The following GPC3 variants were observed in gnomAD, a reference collection of about 807,000 sequenced individuals.
The protein encoded by GPC3 is glypican-3.
A neutral mutation model predicts 34.4 loss-of-function variants in GPC3; 3 were observed. That is an observed-to-expected ratio of 0.09 (90% CI 0.04 to 0.23). GPC3 has a LOEUF of 0.23. GPC3 is among the 10% of genes least tolerant of loss of function. The pLI is 1.00. For missense variants in GPC3, 351 were observed against 445.6 expected (o/e 0.79, Z 1.91); for synonymous variants, 177 against 174.0 (o/e 1.02, Z -0.13).
At chrX:133,977,097 G>A (rs1481635547) in intron 1 of GPC3, among the ~76,000 whole-genome samples, 1 of 111,116 alleles carries the variant, frequency 9.0e-6, no homozygotes, top group African/African-American at 3.3e-5. Context: ...ATAGTTATAT[G>A]CCACCCCAGG....
intron 4 of GPC3, among the ~76,000 whole-genome samples, chrX:133,695,030 T>C (rs924757444): frequency 9.0e-6 from 1 of 111,592 alleles, no homozygotes; most frequent in Non-Finnish European, 1.9e-5. Context: ...AATACCCGAC[T>C]GGGTAATTTA....
chrX:133,650,456 C>CA (rs1491287312), intron 6 of GPC3, among the ~76,000 whole-genome samples: 106 of 87,399 alleles, frequency 1.2e-3, no homozygotes, highest in African/African-American at 4.1e-3. Context: ...CACACACCCA[C>CA]CCACACACAC....
chrX:133,647,939 T>G (rs754343336), intron 6 of GPC3, among the ~76,000 whole-genome samples: 3 of 112,241 alleles, frequency 2.7e-5, no homozygotes, highest in Non-Finnish European at 5.6e-5. Context: ...GAACTTCTAC[T>G]AAAGGTTCAA....
At chrX:133,972,814 G>A (rs184274146) in intron 1 of GPC3, among the ~76,000 whole-genome samples, 15 of 111,649 alleles carry the variant, frequency 1.3e-4, no homozygotes, top group Non-Finnish European at 2.6e-4. Context: ...AATATAGAAC[G>A]TTAAGGAGAG....
At chrX:133,616,235 A>G (rs1222110478) in intron 6 of GPC3, among the ~76,000 whole-genome samples, 7 of 112,348 alleles carry the variant, frequency 6.2e-5, no homozygotes, top group African/African-American at 2.3e-4. Flanking sequence ...TAGACTAACA[A>G]TGAACACTCT....
intron 6 of GPC3, among the ~76,000 whole-genome samples, chrX:133,656,745 T>A (rs2124396375): frequency 9.1e-6 from 1 of 110,431 alleles, no homozygotes; most frequent in Admixed American, 9.7e-5. Context: ...ACAGAAGAAT[T>A]GGGTGGGGGG....
intron 1 of GPC3, among the ~76,000 whole-genome samples, chrX:133,969,230 C>T (rs1288309145): frequency 9.0e-6 from 1 of 111,056 alleles, no homozygotes; most frequent in Non-Finnish European, 1.9e-5. Flanking sequence ...AAGAGAGCAA[C>T]CTGCATGCCT....
chrX:133,852,274 G>T (rs2075877294), intron 2 of GPC3, among the ~76,000 whole-genome samples: 1 of 111,672 alleles, frequency 9.0e-6, no homozygotes, highest in Non-Finnish European at 1.9e-5. Flanking sequence ...CCTTTGAGGG[G>T]TAGAGGGGTG....
intron 7 of GPC3, among the ~76,000 whole-genome samples, chrX:133,574,722 C>T (rs1176584205): frequency 8.9e-6 from 1 of 112,239 alleles, no homozygotes; most frequent in Non-Finnish European, 1.9e-5. Context: ...TATATTTTTA[C>T]AAAAGTTCCA....
chrX:133,686,988 C>A (rs890165789), intron 5 of GPC3, among the ~76,000 whole-genome samples: 1 of 107,213 alleles, frequency 9.3e-6, no homozygotes, highest in Non-Finnish European at 1.9e-5. Context: ...TGCAGTGGTG[C>A]GATCTCGGCT....
At position 133,535,892 on chromosome X, in the gene GPC3, T is replaced by C; in HGVS notation, c.*232A>G. The C allele has an allele frequency of 2.7e-6, 1 of 373,024 alleles. No homozygotes were observed. Among genetic ancestry groups the C allele is most frequent in the South Asian group, 5.6e-5 (1 of 17,876 alleles). The allele number at this position is 373,024 out of a possible 1,213,427, so 30.7% of individuals were successfully genotyped here. On this transcript the variant is annotated 3_prime_UTR_variant, in exon 8 of 8. Coordinates refer to ENST00000370818, the MANE Select transcript of GPC3 (RefSeq NM_004484.4). Reference sequence around the variant, plus strand: ...ATTTGGCACAACTTGATGGTTTTTTTTCTTTCTTTGCAAAAGGACAATCTA... The same window carrying C: ...ATTTGGCACAACTTGATGGTTTTTTCTCTTTCTTTGCAAAAGGACAATCTA...
At chrX:133,676,109 A>T (rs1278361384) in intron 5 of GPC3, among the ~76,000 whole-genome samples, 1 of 112,271 alleles carries the variant, frequency 8.9e-6, no homozygotes, top group Non-Finnish European at 1.9e-5. Context: ...ACATCACAAA[A>T]TCCAGAGTGC....
intron 2 of GPC3, among the ~76,000 whole-genome samples, chrX:133,867,514 C>T (rs2075973566): frequency 9.1e-6 from 1 of 109,770 alleles, no homozygotes; most frequent in South Asian, 4.1e-4. Context: ...CTATTCATCC[C>T]ACCTAGATAT....
chrX:133,874,742 C>T (rs2076008157), intron 2 of GPC3, among the ~76,000 whole-genome samples: 1 of 112,033 alleles, frequency 8.9e-6, no homozygotes, highest in African/African-American at 3.2e-5. Flanking sequence ...TTCTAAAAAA[C>T]AGACTCACCC....
intron 3 of GPC3, among the ~76,000 whole-genome samples, chrX:133,728,888 G>T (rs1426340117): frequency 8.9e-6 from 1 of 111,950 alleles, no homozygotes; most frequent in Non-Finnish European, 1.9e-5. Context: ...ATGATGTTCA[G>T]GTCTCTTAAT....
intron 2 of GPC3, among the ~76,000 whole-genome samples, chrX:133,835,045 A>C (rs1249400955): frequency 8.9e-6 from 1 of 112,229 alleles, no homozygotes; most frequent in Non-Finnish European, 1.9e-5. Context: ...TTGATTTTTA[A>C]AATGTAAAGG....
At chrX:133,706,520 GC>G (rs35660379) in intron 3 of GPC3, among the ~76,000 whole-genome samples, 1 of 111,391 alleles carries the variant, frequency 9.0e-6, no homozygotes, top group Non-Finnish European at 1.9e-5. Context: ...AAAACAAATA[GC>G]CCCATTAAAA....
intron 3 of GPC3, among the ~76,000 whole-genome samples, chrX:133,731,612 G>A (rs751731366): frequency 9.3e-6 from 1 of 107,201 alleles, no homozygotes; most frequent in East Asian, 2.9e-4. Context: ...ACTTGTAGAT[G>A]CTACAAAAGT....
intron 3 of GPC3, among the ~76,000 whole-genome samples, chrX:133,746,870 C>G (rs1377481673): frequency 8.9e-6 from 1 of 112,073 alleles, no homozygotes; most frequent in Non-Finnish European, 1.9e-5. Context: ...CACTGACATT[C>G]TGACACCTGA....
Sources: allele counts gnomAD v4.1 joint callset (sites outside exome capture counted in the v4.1 genomes callset), GRCh38; gene constraint gnomAD v4.1.1; transcripts MANE v1.5; gene names NCBI Gene and HGNC (gene_info 2026-07-23, HGNC 2026-07-21).